The following OTUD7A variants were observed in gnomAD, a reference collection of about 807,000 sequenced individuals.
OTUD7A encodes the protein OTU deubiquitinase 7A, also known as OTU domain-containing protein 7A.
A neutral mutation model predicts 65.7 loss-of-function variants in OTUD7A; 12 were observed. The ratio of observed to expected loss-of-function variants is 0.18; its 90% confidence interval spans 0.12 to 0.30. The LOEUF (loss-of-function observed/expected upper bound fraction) is 0.30. Ranked by LOEUF, OTUD7A falls within the 10% of genes least tolerant of loss-of-function variation. OTUD7A has a pLI of 1.00. For synonymous variants in OTUD7A, 641 were observed against 586.3 expected (o/e 1.09, Z -1.35); for missense variants, 1,148 against 1,304.8 (o/e 0.88, Z 1.85).
intron 1 of OTUD7A, among the ~76,000 whole-genome samples, chr15:31,732,581 C>T (rs1234194852): frequency 6.6e-6 from 1 of 152,230 alleles, no homozygotes; most frequent in Non-Finnish European, 1.5e-5. Context: ...ACTCTAGTCA[C>T]TTGGAAACGC....
chr15:31,800,584 T>C (rs1188174609), intron 1 of OTUD7A, among the ~76,000 whole-genome samples: 1 of 152,098 alleles, frequency 6.6e-6, no homozygotes, highest in Non-Finnish European at 1.5e-5. Context: ...GGGTGTCCCC[T>C]GGTCACTCCT....
At chr15:31,658,262 T>C (rs1242450793) in intron 1 of OTUD7A, among the ~76,000 whole-genome samples, 1 of 152,180 alleles carries the variant, frequency 6.6e-6, no homozygotes, top group Non-Finnish European at 1.5e-5. Context: ...TATGAGCCAA[T>C]GAATGAACTC....
At chr15:31,537,382 A>G (rs187175741) in intron 5 of OTUD7A, among the ~76,000 whole-genome samples, 1 of 152,338 alleles carries the variant, frequency 6.6e-6, no homozygotes, top group African/African-American at 2.4e-5. Flanking sequence ...TACAAAGTTA[A>G]GTAGACGAAC....
chr15:31,674,475 A>G (rs1255495727), intron 1 of OTUD7A, among the ~76,000 whole-genome samples: 4 of 152,234 alleles, frequency 2.6e-5, no homozygotes, highest in Admixed American at 6.5e-5. Context: ...CCAGCTTCTT[A>G]GATGTTGTCC....
In OTUD7A at chr15:31,776,740, ACTC is replaced by A. The variant is rs149348945; in HGVS notation, c.-100+93764_-100+93766del. Among the ~76,000 whole-genome samples, 55 of 152,062 alleles carry A rather than the reference ACTC, an allele frequency of 3.6e-4. No individual in the cohort carries two copies. In the East Asian group the frequency reaches 7.2e-3, roughly 20 times the overall value. Reference sequence around the variant, plus strand: ...GGGTCTGAAGGAACCGGGGGTCCTTACTCCTCAGGGGTGTGAGCTGAACTGTTC... The same window carrying A: ...GGGTCTGAAGGAACCGGGGGTCCTTACTCAGGGGTGTGAGCTGAACTGTTC... On this transcript the variant is annotated intron_variant, in intron 1 of 12. Coordinates refer to ENST00000307050, the MANE Select transcript of OTUD7A (RefSeq NM_001382637.1).
In OTUD7A at chr15:31,564,387, G is replaced by GTTTTTTTTTTTTT. The variant is rs398026753; in HGVS notation, c.332-5213_332-5201dup. ...TTTTTGGAAGTAGTCTTTGAGGAAG[G>GTTTTTTTTTTTTT]TTTTTTTTTTTTTAGCAAAAGAGAA... On this transcript the variant is annotated intron_variant, in intron 4 of 12. Coordinates refer to ENST00000307050, the MANE Select transcript of OTUD7A (RefSeq NM_001382637.1). 1.6e-3 allele frequency among the ~76,000 whole-genome samples: 195 copies of GTTTTTTTTTTTTT among 119,872 alleles called. 8 individuals carry two copies. Among genetic ancestry groups the GTTTTTTTTTTTTT allele is most frequent in the African/African-American group, 4.5e-3 (157 of 34,986 alleles). 78.6% of individuals were successfully genotyped at this position (119,872 alleles called of 152,430 possible).
chr15:31,517,388 A>G (rs2041873900), intron 8 of OTUD7A, among the ~76,000 whole-genome samples: 1 of 152,150 alleles, frequency 6.6e-6, no homozygotes, highest in Admixed American at 6.5e-5. Context: ...AATTCTGAAA[A>G]TTCACTCCCA....
intron 8 of OTUD7A, among the ~76,000 whole-genome samples, 194 bp downstream of exon 8, chr15:31,526,155 G>C (rs1322943786): frequency 1.3e-5 from 2 of 152,224 alleles, no homozygotes; most frequent in Non-Finnish European, 2.9e-5. Context: ...ACTAGCACCT[G>C]GCGGGGCCAG....
chr15:31,573,098 A>C (rs887204455), intron 3 of OTUD7A, among the ~76,000 whole-genome samples: 6 of 152,200 alleles, frequency 3.9e-5, no homozygotes, highest in Admixed American at 1.3e-4. Flanking sequence ...TCCTCTTTTA[A>C]AGATAAAGAG....
At chr15:31,795,266 C>T (rs1194294672) in intron 1 of OTUD7A, among the ~76,000 whole-genome samples, 3 of 152,168 alleles carry the variant, frequency 2.0e-5, no homozygotes, top group Non-Finnish European at 4.4e-5. Context: ...GTGGGAATCA[C>T]GGTATGATTG....
chr15:31,635,489 G>T (rs1037156713), intron 3 of OTUD7A, among the ~76,000 whole-genome samples: 3 of 152,166 alleles, frequency 2.0e-5, no homozygotes, highest in Admixed American at 2.0e-4. Context: ...GGAACCAGGC[G>T]GGGAGAGACC....
chr15:31,837,738 A>G (rs1034177186), intron 1 of OTUD7A, among the ~76,000 whole-genome samples: 1 of 152,244 alleles, frequency 6.6e-6, no homozygotes, highest in Non-Finnish European at 1.5e-5. Flanking sequence ...ATTCTTATCA[A>G]AATCCCAGCA....
At chr15:31,493,154 AAAAAAAAG>A (rs1447770941) in intron 10 of OTUD7A, among the ~76,000 whole-genome samples, 1 of 142,848 alleles carries the variant, frequency 7.0e-6, no homozygotes, top group African/African-American at 2.5e-5. Flanking sequence ...TGTAGGAAAA[AAAAAAAAG>A]AAAAAGAATC....
chr15:31,535,323 C>T (rs1014528316), intron 5 of OTUD7A, among the ~76,000 whole-genome samples: 1 of 152,172 alleles, frequency 6.6e-6, no homozygotes, highest in African/African-American at 2.4e-5. Context: ...TCTCTCCTGC[C>T]ACCTTGGGAA....
chr15:31,602,126 C>A (rs944702519), intron 3 of OTUD7A, among the ~76,000 whole-genome samples: 1 of 152,140 alleles, frequency 6.6e-6, no homozygotes, highest in African/African-American at 2.4e-5. Flanking sequence ...CATCCTGATA[C>A]CAAAACCTGG....
At chr15:31,683,279 G>A (rs564877598) in intron 1 of OTUD7A, among the ~76,000 whole-genome samples, 2 of 152,176 alleles carry the variant, frequency 1.3e-5, no homozygotes, top group Non-Finnish European at 2.9e-5. Flanking sequence ...CTGTCATCAT[G>A]TATGGCTCTG....
Position 31,808,136 on chromosome 15 carries a change from C to CAA in OTUD7A, c.-100+62369_-100+62370dup, listed in dbSNP as rs1555420129. On this transcript the variant is annotated intron_variant, in intron 1 of 12. Coordinates refer to ENST00000307050, the MANE Select transcript of OTUD7A (RefSeq NM_001382637.1). ...ACACACACACACACACACACACACA[C>CAA]AAACAAATCCTCACCAGGTTTTTCC... 4.2e-5 allele frequency among the ~76,000 whole-genome samples: 5 copies of CAA among 119,514 alleles called. No homozygotes were observed. In the South Asian group the frequency reaches 1.0e-3, roughly 24 times the overall value. The allele number at this position is 119,514 out of a possible 152,430, so 78.4% of individuals were successfully genotyped here.
chr15:31,485,551 G>A (rs560479466), intron 12 of OTUD7A, among the ~76,000 whole-genome samples: 4 of 152,186 alleles, frequency 2.6e-5, no homozygotes, highest in Non-Finnish European at 1.5e-5. Flanking sequence ...AGGGGGGCAC[G>A]ACCATATCTG....
chr15:31,522,055 T>C (rs59349049), intron 8 of OTUD7A, among the ~76,000 whole-genome samples: 17,986 of 152,264 alleles, frequency 0.12, 1,652 homozygotes, highest in African/African-American at 0.26. Flanking sequence ...CTTAGGTTTC[T>C]TTGGTCAGTT....
Sources: allele counts gnomAD v4.1 joint callset (sites outside exome capture counted in the v4.1 genomes callset), GRCh38; gene constraint gnomAD v4.1.1; transcripts MANE v1.5; gene names NCBI Gene and HGNC (gene_info 2026-07-23, HGNC 2026-07-21).